The following HDAC9 variants were observed in gnomAD, a reference collection of about 807,000 sequenced individuals.
The protein encoded by HDAC9 is histone deacetylase 9.
Under a neutral mutation model 139.4 loss-of-function variants are expected in HDAC9, and 41 were observed. The observed-to-expected ratio is 0.29, with a 90% confidence interval of 0.23 to 0.38. The LOEUF is 0.38. HDAC9 is among the 10% of genes least tolerant of loss of function. HDAC9 has a pLI of 1.00. For synonymous variants in HDAC9, 517 were observed against 476.2 expected (o/e 1.09, Z -1.12); for missense variants, 1,147 against 1,297.0 (o/e 0.88, Z 1.78).
chr7:18,767,565 G>T (rs982024140), intron 16 of HDAC9, among the ~76,000 whole-genome samples: 1 of 152,126 alleles, frequency 6.6e-6, no homozygotes, highest in African/African-American at 2.4e-5. Flanking sequence ...TATATTCCTG[G>T]TGAAAATGGC....
intron 1 of HDAC9, among the ~76,000 whole-genome samples, chr7:18,384,324 G>A (rs550454270): frequency 3.3e-5 from 5 of 151,818 alleles, no homozygotes; most frequent in East Asian, 3.9e-4. Flanking sequence ...AAAAAAATGC[G>A]TACACTCAAA....
intron 5 of HDAC9, among the ~76,000 whole-genome samples, 184 bp downstream of exon 5, chr7:18,591,826 C>A (rs1831077850): frequency 6.6e-6 from 1 of 152,076 alleles, no homozygotes; most frequent in Admixed American, 6.6e-5. Flanking sequence ...TGCATGCCCT[C>A]TAGGGTTGCT....
intron 16 of HDAC9, among the ~76,000 whole-genome samples, chr7:18,782,728 C>CT (rs1791355391): frequency 6.6e-6 from 1 of 151,966 alleles, no homozygotes; most frequent in African/African-American, 2.4e-5. Context: ...TTACCATTGA[C>CT]TGAGAGCTTA....
chr7:18,504,203 A>G (rs1194824546), intron 2 of HDAC9, among the ~76,000 whole-genome samples: 2 of 152,184 alleles, frequency 1.3e-5, no homozygotes, highest in Non-Finnish European at 2.9e-5. Flanking sequence ...TACATTAGGA[A>G]CTATCCATTT....
intron 2 of HDAC9, among the ~76,000 whole-genome samples, chr7:18,571,645 A>G (rs1277121060): frequency 6.7e-6 from 1 of 149,848 alleles, no homozygotes; most frequent in Admixed American, 6.6e-5. Flanking sequence ...TTTTTTTGGT[A>G]ATAAAGATTT....
chr7:18,262,566 G>A (rs962233915), intron 2 of HDAC9, among the ~76,000 whole-genome samples: 2 of 152,134 alleles, frequency 1.3e-5, no homozygotes, highest in African/African-American at 4.8e-5. Flanking sequence ...TAAGGTAACT[G>A]CATAGGTAAA....
chr7:18,841,520 T>A (rs1013068208), intron 21 of HDAC9, among the ~76,000 whole-genome samples: 2 of 152,128 alleles, frequency 1.3e-5, no homozygotes, highest in African/African-American at 4.8e-5. Context: ...GTTACCACGC[T>A]TCTTGAGCTT....
At chr7:18,274,608 C>T (rs145849098) in intron 2 of HDAC9, among the ~76,000 whole-genome samples, 2 of 152,210 alleles carry the variant, frequency 1.3e-5, no homozygotes, top group East Asian at 3.9e-4. Flanking sequence ...AAACCACATC[C>T]CAACTATAGC....
intron 16 of HDAC9, among the ~76,000 whole-genome samples, chr7:18,779,258 A>G (rs1791041725): frequency 6.6e-6 from 1 of 152,052 alleles, no homozygotes; most frequent in Non-Finnish European, 1.5e-5. Flanking sequence ...CTCCATTTCA[A>G]GACTCTCAGG....
At chr7:18,607,443 A>G (rs1322531118) in intron 6 of HDAC9, among the ~76,000 whole-genome samples, 1 of 152,240 alleles carries the variant, frequency 6.6e-6, no homozygotes. Context: ...AGTTTCTTCA[A>G]ATAGCAAATA....
At chr7:18,587,236 C>T (rs1829730919) in intron 3 of HDAC9, among the ~76,000 whole-genome samples, 1 of 151,972 alleles carries the variant, frequency 6.6e-6, no homozygotes. Flanking sequence ...ATTAATTGTT[C>T]ATTTGGCACA....
At chr7:18,668,954 G>C (rs1176380585) in intron 12 of HDAC9, 11 of 885,688 alleles carry the variant, frequency 1.2e-5, no homozygotes, top group Non-Finnish European at 1.3e-5. Flanking sequence ...GTTGAAACAA[G>C]AAAATAAAGA....
intron 11 of HDAC9, among the ~76,000 whole-genome samples, chr7:18,664,768 C>T (rs770375843): frequency 1.3e-5 from 2 of 152,132 alleles, no homozygotes; most frequent in African/African-American, 2.4e-5. Flanking sequence ...AGTATGTGCT[C>T]TTATAACACC....
intron 22 of HDAC9, among the ~76,000 whole-genome samples, chr7:18,883,206 GC>G (rs1204517466): frequency 6.6e-6 from 1 of 152,080 alleles, no homozygotes. Context: ...GTCCAGTGAT[GC>G]TTTTTTAGCA....
rs144121142 is a variant in HDAC9 at position 18,118,366 on chromosome 7, A to G, written c.-97+31153A>G. On this transcript the variant is annotated intron_variant, in intron 1 of 12. Coordinates refer to the HDAC9 transcript ENST00000417496. ...TCTGGGTAGAATGGGGGTGAAGGCC[A>G]TTGGAAAGGAATGTTACATCAACAT... Among the ~76,000 whole-genome samples the G allele has an allele frequency of 5.0e-3, 763 of 152,290 alleles. 6 individuals carry two copies. Among genetic ancestry groups the G allele is most frequent in the African/African-American group, 0.018 (739 of 41,574 alleles).
At chr7:18,674,781 TC>T (rs1308043931) in intron 12 of HDAC9, among the ~76,000 whole-genome samples, 1 of 152,040 alleles carries the variant, frequency 6.6e-6, no homozygotes, top group Non-Finnish European at 1.5e-5. Flanking sequence ...CTCAGTGTCC[TC>T]CCTAGTAATA....
chr7:18,454,240 G>A (rs1033565359), intron 1 of HDAC9, among the ~76,000 whole-genome samples: 1 of 152,006 alleles, frequency 6.6e-6, no homozygotes, highest in Admixed American at 6.6e-5. Context: ...AAAAATTGAA[G>A]TTCTTCTTGG....
At position 18,732,618 on chromosome 7, in the gene HDAC9, T is replaced by TAC. The variant is rs1293790441; in HGVS notation, c.1909+4868_1909+4869dup. On this transcript the variant is annotated intron_variant, in intron 13 of 25. Transcript: ENST00000686413. ...GTGTATATGTGTGCATATGTGTATATACACACACGTGTATATGTGTGCATA... is the reference window on the plus strand; with the variant it reads ...GTGTATATGTGTGCATATGTGTATATACACACACACGTGTATATGTGTGCATA... 6.2e-5 allele frequency among the ~76,000 whole-genome samples: 6 copies of TAC among 97,132 alleles called. 1 individual carries two copies. The highest frequency in any genetic ancestry group is 6.6e-4 in the South Asian group (2 of 3,024). 63.7% of individuals were successfully genotyped at this position (97,132 alleles called of 152,430 possible). A position where few individuals can be genotyped will look rare whatever the true frequency, so the allele number is the denominator to read the frequency against.
chr7:18,927,979 A>C (rs777157979), intron 22 of HDAC9, among the ~76,000 whole-genome samples: 1 of 152,216 alleles, frequency 6.6e-6, no homozygotes, highest in Non-Finnish European at 1.5e-5. Context: ...ACGTCAACAA[A>C]TGTTTAAGTA....
Sources: allele counts gnomAD v4.1 joint callset (sites outside exome capture counted in the v4.1 genomes callset), GRCh38; gene constraint gnomAD v4.1.1; transcripts MANE v1.5; gene names NCBI Gene and HGNC (gene_info 2026-07-23, HGNC 2026-07-21).